NFIB: variants seen among roughly 807,000 people sequenced by gnomAD.
The protein encoded by NFIB is nuclear factor I B.
A neutral mutation model predicts 61.5 loss-of-function variants in NFIB; 11 were observed. The observed-to-expected ratio is 0.18, with a 90% CI of 0.11 to 0.30. The LOEUF is 0.30. Among genes scored for constraint, NFIB ranks in the 10% least tolerant of loss-of-function variants. The pLI is 1.00. For synonymous variants in NFIB, 260 were observed against 216.5 expected (o/e 1.20, Z -1.76); for missense variants, 471 against 608.9 (o/e 0.77, Z 2.38).
chr9:14,445,193 CTT>C, the NFIB span, among the ~76,000 whole-genome samples: 1 of 151,998 alleles, frequency 6.6e-6, no homozygotes, highest in African/African-American at 2.4e-5. Flanking sequence ...TTGCCAAACT[CTT>C]TTATTAATTC....
intron 1 of NFIB, among the ~76,000 whole-genome samples, chr9:14,384,763 C>T (rs2061530140): frequency 6.6e-6 from 1 of 152,084 alleles, no homozygotes; most frequent in Admixed American, 6.5e-5. Flanking sequence ...GTATCAAACC[C>T]TCTCTTTCAT....
chr9:14,336,041 A>T (rs767399831), intron 1 of NFIB, among the ~76,000 whole-genome samples: 17 of 152,258 alleles, frequency 1.1e-4, no homozygotes, highest in Non-Finnish European at 1.8e-4. Flanking sequence ...GTCTTTATCC[A>T]TGTCAATTCC....
At chr9:14,149,589 T>A (rs2042637026) in intron 5 of NFIB, among the ~76,000 whole-genome samples, 1 of 152,084 alleles carries the variant, frequency 6.6e-6, no homozygotes, top group Admixed American at 6.5e-5. Context: ...ACCCCCAACA[T>A]AGAATGGTTA....
At chr9:14,310,066 T>C (rs1364864539) in intron 1 of NFIB, among the ~76,000 whole-genome samples, 1 of 152,220 alleles carries the variant, frequency 6.6e-6, no homozygotes, top group African/African-American at 2.4e-5. Flanking sequence ...TTGATTAAAT[T>C]TGAGTTTCAA....
At chr9:14,290,122 T>C (rs2132527306) in intron 2 of NFIB, among the ~76,000 whole-genome samples, 1 of 152,234 alleles carries the variant, frequency 6.6e-6, no homozygotes, top group South Asian at 2.1e-4. Context: ...GAATCTATCA[T>C]GTCTTTGTAC....
At chr9:14,500,561 C>T in the NFIB span, among the ~76,000 whole-genome samples, 1 of 152,104 alleles carries the variant, frequency 6.6e-6, no homozygotes, top group Non-Finnish European at 1.5e-5. Flanking sequence ...CTTTAGAGTA[C>T]TTGTCTCAGT....
intron 1 of NFIB, among the ~76,000 whole-genome samples, chr9:14,343,836 G>C (rs964986286): frequency 5.9e-5 from 9 of 151,812 alleles, no homozygotes; most frequent in Non-Finnish European, 1.0e-4. Context: ...GGGGGGTCGG[G>C]GGGGGAAGTG....
At chr9:14,505,073 C>T in the NFIB span, among the ~76,000 whole-genome samples, 1 of 152,154 alleles carries the variant, frequency 6.6e-6, no homozygotes, top group Non-Finnish European at 1.5e-5. Context: ...ACTTTTTCTG[C>T]ATCTATTGAG....
chr9:14,083,433 C>T lies in NFIB; in HGVS notation c.*4876G>A, dbSNP rs1452288288. 6.2e-6 allele frequency: 1 copy of T among 160,050 alleles called. No homozygotes were observed. The highest frequency in any genetic ancestry group is 1.2e-5 in the Non-Finnish European group (1 of 80,912). The allele number at this position is 160,050 out of a possible 1,614,324, so 9.9% of individuals were successfully genotyped here. On this transcript the variant is annotated 3_prime_UTR_variant, in exon 11 of 11. Coordinates refer to ENST00000380953, the MANE Select transcript of NFIB (RefSeq NM_001190737.2). Reference sequence around the variant, plus strand: ...TCAGCTCCTTCAGCATGGAGTAGAACATTCATTTTTGAGCTTTTACTATTG... The same window carrying T: ...TCAGCTCCTTCAGCATGGAGTAGAATATTCATTTTTGAGCTTTTACTATTG...
In NFIB at chr9:14,083,096, TAA is replaced by T. The variant is rs34054280; in HGVS notation, c.*5211_*5212del. The stretch of plus-strand genomic sequence containing the variant: ...ATTAACTAGTGAACCCTTTTATTAT[TAA>T]AAAAAAAAAAAAACTACTTACAACC... On this transcript the variant is annotated 3_prime_UTR_variant, in exon 11 of 11. Transcript: ENST00000380953. The T allele has an allele frequency of 0.1, 18,008 of 179,168 alleles. 2,499 individuals are homozygous for T. The highest frequency in any genetic ancestry group is 0.35 in the African/African-American group (14,562 of 41,628). 11.1% of individuals were successfully genotyped at this position (179,168 alleles called of 1,614,324 possible).
chr9:14,276,545 T>C (rs1282164902), intron 2 of NFIB, among the ~76,000 whole-genome samples: 1 of 152,164 alleles, frequency 6.6e-6, no homozygotes, highest in Non-Finnish European at 1.5e-5. Context: ...AGGCATTATC[T>C]GCGGACTCAG....
intron 2 of NFIB, among the ~76,000 whole-genome samples, chr9:14,198,106 A>G (rs2048648805): frequency 6.6e-6 from 1 of 152,202 alleles, no homozygotes; most frequent in South Asian, 2.1e-4. Flanking sequence ...GCACTTTAAG[A>G]ATTCCATATT....
At chr9:14,171,862 T>C (rs1028696117) in intron 3 of NFIB, among the ~76,000 whole-genome samples, 7 of 152,092 alleles carry the variant, frequency 4.6e-5, no homozygotes, top group African/African-American at 1.7e-4. Context: ...AAGGTAAACA[T>C]CTAGGAGAAA....
At chr9:14,136,646 T>C (rs1475418529) in intron 6 of NFIB, among the ~76,000 whole-genome samples, 1 of 152,188 alleles carries the variant, frequency 6.6e-6, no homozygotes, top group Admixed American at 6.5e-5. Flanking sequence ...TAGAGTTGAT[T>C]TAACTGATGT....
chr9:14,507,351 T>C, the NFIB span, among the ~76,000 whole-genome samples: 1 of 152,232 alleles, frequency 6.6e-6, no homozygotes, highest in African/African-American at 2.4e-5. Context: ...TTTTCTATAT[T>C]ATATCTGTTT....
chr9:14,083,399 A>C lies in NFIB; in HGVS notation c.*4910T>G, dbSNP rs948512199. The C allele has an allele frequency of 5.9e-5, 13 of 221,974 alleles. No homozygotes were observed. The highest frequency in any genetic ancestry group is 2.5e-4 in the African/African-American group (11 of 44,418). The allele number at this position is 221,974 out of a possible 1,614,324, so 13.8% of individuals were successfully genotyped here. ...TACCAGAAAGTGCAAAATATGAAGA[A>C]GGCAGCTTTCAGCTCCTTCAGCATG... On this transcript the variant is annotated 3_prime_UTR_variant, in exon 11 of 11. Transcript: ENST00000380953.
At chr9:14,243,692 T>C (rs1013445459) in intron 2 of NFIB, among the ~76,000 whole-genome samples, 4 of 152,200 alleles carry the variant, frequency 2.6e-5, no homozygotes, top group Non-Finnish European at 1.5e-5. Context: ...TTTCTCAGCA[T>C]TTTTCTTCGT....
chr9:14,306,909 T>C (rs2060049083), intron 2 of NFIB, 80 bp downstream of exon 2: 2 of 1,549,186 alleles, frequency 1.3e-6, no homozygotes, highest in East Asian at 4.5e-5. Context: ...GAGGACCATC[T>C]AACTCAAGCC....
chr9:14,242,726 T>A (rs2054487156), intron 2 of NFIB, among the ~76,000 whole-genome samples: 1 of 152,216 alleles, frequency 6.6e-6, no homozygotes. Flanking sequence ...ACAAAGCAAT[T>A]ATTTTATATC....
Sources: allele counts gnomAD v4.1 joint callset (sites outside exome capture counted in the v4.1 genomes callset), GRCh38; gene constraint gnomAD v4.1.1; transcripts MANE v1.5; gene names NCBI Gene and HGNC (gene_info 2026-07-23, HGNC 2026-07-21).